Variants in TBCK observed in about 807,000 individuals in gnomAD.
The protein encoded by TBCK is TBC domain-containing protein kinase-like protein.
A neutral mutation model predicts 113.4 loss-of-function variants in TBCK; 99 were observed. That is an observed-to-expected ratio of 0.87 (90% CI 0.74 to 1.03). TBCK has a LOEUF of 1.03. TBCK is among the 50% of genes least tolerant of loss of function. The pLI, the probability that TBCK is intolerant of heterozygous loss-of-function variation, is 0.00. For missense variants in TBCK, 1,045 were observed against 1,061.3 expected, an observed-to-expected ratio of 0.98 and a Z score of 0.21; for synonymous variants, 369 against 370.8, an observed-to-expected ratio of 1.00 and a Z score of 0.05.
intron 25 of TBCK, among the ~76,000 whole-genome samples, chr4:106,060,210 T>A (rs75824381): frequency 3.3e-5 from 5 of 151,924 alleles, no homozygotes; most frequent in African/African-American, 9.6e-5. Flanking sequence ...TAAACAGATT[T>A]TCAATGCAAA....
chr4:106,195,860 G>C (rs1246605464), intron 20 of TBCK, among the ~76,000 whole-genome samples: 1 of 151,896 alleles, frequency 6.6e-6, no homozygotes, highest in Non-Finnish European at 1.5e-5. Flanking sequence ...ATAAATGTGT[G>C]AGCCAATTAC....
chr4:106,119,054 G>T (rs1187445559), intron 23 of TBCK, among the ~76,000 whole-genome samples: 2 of 152,010 alleles, frequency 1.3e-5, no homozygotes, highest in Admixed American at 6.6e-5. Context: ...TAAAAACAGA[G>T]AATTTAGTTT....
At chr4:106,179,551 G>C (rs1054013714) in intron 22 of TBCK, among the ~76,000 whole-genome samples, 1 of 152,052 alleles carries the variant, frequency 6.6e-6, no homozygotes, top group South Asian at 2.1e-4. Context: ...TAAATCTGTA[G>C]TTTCTAATGT....
At chr4:106,297,294 T>C (rs1766416545) in intron 2 of TBCK, among the ~76,000 whole-genome samples, 1 of 152,194 alleles carries the variant, frequency 6.6e-6, no homozygotes, top group South Asian at 2.1e-4. Context: ...CTTCAACTTA[T>C]AATTTACTGT....
intron 25 of TBCK, among the ~76,000 whole-genome samples, chr4:106,061,862 G>A (rs1022177847): frequency 5.3e-5 from 8 of 151,674 alleles, no homozygotes; most frequent in African/African-American, 9.7e-5. Context: ...TGTGAGATAC[G>A]GCTTTATGGT....
At chr4:106,298,186 T>C (rs1366128757) in intron 2 of TBCK, among the ~76,000 whole-genome samples, 2 of 152,338 alleles carry the variant, frequency 1.3e-5, no homozygotes, top group South Asian at 2.1e-4. Context: ...CTCCACCTTA[T>C]CCATGGTTTT....
At position 106,315,982 on chromosome 4, in the gene TBCK, T is replaced by C. The variant is rs1389823999; in HGVS notation, c.-81A>G. Reference sequence around the variant, plus strand: ...ACAAAGACAAGGGGGATGGAGCTTCTACACAGGGCCCCAGCGCTGTCGCTG... The same window carrying C: ...ACAAAGACAAGGGGGATGGAGCTTCCACACAGGGCCCCAGCGCTGTCGCTG... On this transcript the variant is annotated 5_prime_UTR_variant, in exon 1 of 26. Coordinates refer to ENST00000394708, the MANE Select transcript of TBCK (RefSeq NM_001163435.3). 2 of 152,664 alleles carry C rather than the reference T, an allele frequency of 1.3e-5. No homozygotes were observed. Among genetic ancestry groups the C allele is most frequent in the African/African-American group, 4.8e-5 (2 of 41,448 alleles). 9.5% of individuals were successfully genotyped at this position (152,664 alleles called of 1,614,324 possible).
chr4:106,304,070 G>A (rs1219833091), intron 2 of TBCK, among the ~76,000 whole-genome samples: 1 of 151,996 alleles, frequency 6.6e-6, no homozygotes, highest in Non-Finnish European at 1.5e-5. Flanking sequence ...ATGTATATTT[G>A]GCCACTCTGC....
intron 20 of TBCK, among the ~76,000 whole-genome samples, chr4:106,208,938 G>T (rs1755833127): frequency 6.6e-6 from 1 of 152,176 alleles, no homozygotes; most frequent in Admixed American, 6.5e-5. Flanking sequence ...GTCATGGCAT[G>T]CCTGGCTCAG....
chr4:106,308,853 G>T lies in TBCK; in HGVS notation c.108C>A (p.Ile36=), dbSNP rs749173215. 2 of 1,614,050 alleles carry T rather than the reference G, an allele frequency of 1.2e-6. No individual in the cohort carries two copies. Among genetic ancestry groups the T allele is most frequent in the Admixed American group, 1.7e-5 (1 of 60,000 alleles). The change falls in exon 2 of 26, where the codon ATC becomes ATA. Residue 36 remains isoleucine, a synonymous_variant. Coordinates refer to ENST00000394708, the MANE Select transcript of TBCK (RefSeq NM_001163435.3). The part of the protein sequence containing the change: ...SNGLPLTPNS[I]KILGRFQILK... Reference sequence around the variant, plus strand: ...GGATTTGAAAGCGCCCTAAAATTTTGATGGAATTTGGTGTGAGAGGAAGTC... The same window carrying T: ...GGATTTGAAAGCGCCCTAAAATTTTTATGGAATTTGGTGTGAGAGGAAGTC...
chr4:106,279,828 A>G (rs1467924100), intron 3 of TBCK, among the ~76,000 whole-genome samples: 1 of 152,064 alleles, frequency 6.6e-6, no homozygotes, highest in Non-Finnish European at 1.5e-5. Context: ...TTACCCATTC[A>G]TCTGTTAATG....
intron 3 of TBCK, among the ~76,000 whole-genome samples, chr4:106,284,374 G>A (rs1228565494): frequency 6.6e-6 from 1 of 152,050 alleles, no homozygotes; most frequent in Non-Finnish European, 1.5e-5. Context: ...CAGTGAGTAG[G>A]CAATGTTTTA....
rs531588639 is a variant in TBCK, at chr4:106,314,911, C to A, written c.-30+1020G>T. Among the ~76,000 whole-genome samples the A allele has an allele frequency of 3.9e-5, 6 of 152,168 alleles. No individual in the cohort carries two copies. The South Asian group carries it at 1.2e-3, about 32-fold the overall frequency. ...AAGTGCTAGGACTACAGGCGTGAGCCACCGCGCCCGACCATTTTATTTTCA... is the reference window on the plus strand; with the variant it reads ...AAGTGCTAGGACTACAGGCGTGAGCAACCGCGCCCGACCATTTTATTTTCA... On this transcript the variant is annotated intron_variant, in intron 1 of 25. Transcript: ENST00000394708.
chr4:106,048,894 T>C (rs530681638), intron 25 of TBCK, among the ~76,000 whole-genome samples: 3 of 152,242 alleles, frequency 2.0e-5, no homozygotes, highest in Admixed American at 2.0e-4. Flanking sequence ...CAGAGCACTT[T>C]GCAACAATCA....
chr4:106,256,346 C>G (rs868431434), intron 5 of TBCK, among the ~76,000 whole-genome samples: 5 of 152,196 alleles, frequency 3.3e-5, no homozygotes, highest in African/African-American at 1.2e-4. Flanking sequence ...CACTGAGCTG[C>G]CCTCAGCCCC....
At chr4:106,315,768 T>C (rs1768759221) in intron 1 of TBCK, 163 bp downstream of exon 1, 1 of 152,342 alleles carries the variant, frequency 6.6e-6, no homozygotes, top group African/African-American at 2.4e-5. Context: ...AAAGGCGGGC[T>C]GTAGCTAGGG....
chr4:106,270,720 T>C (rs1446413435), intron 3 of TBCK, among the ~76,000 whole-genome samples: 2 of 152,166 alleles, frequency 1.3e-5, no homozygotes. Flanking sequence ...AAATAATGAA[T>C]GGGAGAGGGC....
chr4:106,234,974 C>T (rs1759286662), intron 15 of TBCK, among the ~76,000 whole-genome samples: 3 of 152,004 alleles, frequency 2.0e-5, no homozygotes. Flanking sequence ...AGCAGGACTA[C>T]CCATTTATAA....
At chr4:106,216,530 G>A (rs550867639) in intron 19 of TBCK, among the ~76,000 whole-genome samples, 53 of 151,516 alleles carry the variant, frequency 3.5e-4, no homozygotes, top group Admixed American at 5.3e-4. Flanking sequence ...AATGATAAAG[G>A]GGATATCACC....
Sources: gnomAD v4.1 joint callset for allele counts (sites outside exome capture counted in the v4.1 genomes callset) on GRCh38, gnomAD v4.1.1 for gene constraint, MANE v1.5 for transcripts, NCBI Gene and HGNC (gene_info 2026-07-23, HGNC 2026-07-21) for gene names.